GKAP1: variants seen among roughly 807,000 people sequenced by gnomAD.
The protein encoded by GKAP1 is G kinase-anchoring protein 1.
A neutral mutation model predicts 56.7 loss-of-function variants in GKAP1; 31 were observed. The ratio of observed to expected loss-of-function variants is 0.55; its 90% confidence interval spans 0.41 to 0.74. The LOEUF (loss-of-function observed/expected upper bound fraction) is 0.74. Ranked by LOEUF, GKAP1 falls within the 30% of genes least tolerant of loss-of-function variation. The pLI, the probability that GKAP1 is intolerant of heterozygous loss-of-function variation, is 0.00. For synonymous variants in GKAP1, 151 were observed against 138.6 expected, an observed-to-expected ratio of 1.09 and a Z score of -0.63; for missense variants, 364 against 402.3, an observed-to-expected ratio of 0.90 and a Z score of 0.82.
intron 3 of GKAP1, among the ~76,000 whole-genome samples, chr9:83,806,066 G>C (rs1944434950): frequency 6.6e-6 from 1 of 151,830 alleles, no homozygotes; most frequent in Non-Finnish European, 1.5e-5. Flanking sequence ...ACAGTGAACT[G>C]TGATCATCCC....
At chr9:83,814,891 C>T (rs1944560838) in intron 2 of GKAP1, among the ~76,000 whole-genome samples, 1 of 152,150 alleles carries the variant, frequency 6.6e-6, no homozygotes, top group Non-Finnish European at 1.5e-5. Context: ...TGATTTAAGC[C>T]AGCCGGGCAT....
chr9:83,746,510 G>A (rs1037569534), intron 10 of GKAP1, among the ~76,000 whole-genome samples: 1 of 152,042 alleles, frequency 6.6e-6, no homozygotes, highest in Non-Finnish European at 1.5e-5. Flanking sequence ...AGACCATCCT[G>A]GCCAACATGG....
chr9:83,762,191 A>C (rs1329855176), intron 8 of GKAP1, among the ~76,000 whole-genome samples: 1 of 152,194 alleles, frequency 6.6e-6, no homozygotes, highest in African/African-American at 2.4e-5. Context: ...AGAACCTGAT[A>C]AATTCAGTAA....
intron 2 of GKAP1, among the ~76,000 whole-genome samples, chr9:83,807,094 C>T (rs1349574158): frequency 1.3e-5 from 2 of 152,150 alleles, no homozygotes. Flanking sequence ...TTCTCTCAAC[C>T]AAAGGAAACT....
Position 83,804,203 on chromosome 9 carries a change from T to C in GKAP1, c.216+2099A>G, listed in dbSNP as rs1587739039. 3.6e-5 allele frequency among the ~76,000 whole-genome samples: 5 copies of C among 137,904 alleles called. No individual in the cohort carries two copies. The East Asian group carries it at 1.1e-3, about 31-fold the overall frequency. The allele number at this position is 137,904 out of a possible 152,430, so 90.5% of individuals were successfully genotyped here. On this transcript the variant is annotated intron_variant, in intron 3 of 12. Transcript: ENST00000376371. ...CTGCCCAGCCGCCCCTACTGGGAAG[T>C]GAGGAGCCCCTCTGCCGGGCCAGCC...
At chr9:83,804,316 C>G (rs1944391209) in intron 3 of GKAP1, among the ~76,000 whole-genome samples, 1 of 143,192 alleles carries the variant, frequency 7.0e-6, no homozygotes, top group Admixed American at 6.9e-5. Flanking sequence ...CAGCACCCCG[C>G]CCGGCCAGCC....
At chr9:83,787,420 A>G (rs1944084314) in intron 5 of GKAP1, among the ~76,000 whole-genome samples, 1 of 145,108 alleles carries the variant, frequency 6.9e-6, no homozygotes, top group African/African-American at 2.5e-5. Flanking sequence ...AAAAATTTTT[A>G]GAGACAGTGT....
chr9:83,799,494 G>A (rs1348969868), intron 3 of GKAP1, among the ~76,000 whole-genome samples, 166 bp from the exon 4 acceptor site: 2 of 151,932 alleles, frequency 1.3e-5, no homozygotes, highest in African/African-American at 2.4e-5. Flanking sequence ...TATAATCTTT[G>A]TAGAATGTTA....
At chr9:83,805,731 A>T (rs1367144225) in intron 3 of GKAP1, among the ~76,000 whole-genome samples, 2 of 152,226 alleles carry the variant, frequency 1.3e-5, no homozygotes, top group African/African-American at 4.8e-5. Context: ...ATCTCTGGTT[A>T]TATCTATAAA....
intron 12 of GKAP1, 77 bp from the exon 13 acceptor site, chr9:83,739,821 C>G (rs1943177155): frequency 6.9e-6 from 8 of 1,164,512 alleles, no homozygotes; most frequent in Non-Finnish European, 6.2e-6. Flanking sequence ...AAAATATAGA[C>G]CAAAGGCATC....
chr9:83,755,495 T>TAATA (rs1257510787), intron 8 of GKAP1, among the ~76,000 whole-genome samples: 4 of 152,148 alleles, frequency 2.6e-5, no homozygotes, highest in African/African-American at 9.6e-5. Flanking sequence ...AATCATGGAA[T>TAATA]AATACTGTTT....
intron 2 of GKAP1, among the ~76,000 whole-genome samples, chr9:83,809,389 T>A (rs2778328): frequency 1.3e-5 from 2 of 152,244 alleles, no homozygotes; most frequent in African/African-American, 4.8e-5. Context: ...CTCCTGCACA[T>A]GCTGCTCTGG....
At position 83,815,997 on chromosome 9, in the gene GKAP1, C is replaced by A. The variant is rs1440052424; in HGVS notation, c.-44+999G>T. ...GGTCAGGAGTTCCAGACCAGCCTGG[C>A]CAACAAGGCGAAACACCGTCTGTAT... is the stretch of plus-strand genomic sequence containing the variant. On this transcript the variant is annotated intron_variant, in intron 2 of 12. Transcript: ENST00000376371. 2.8e-5 allele frequency among the ~76,000 whole-genome samples: 4 copies of A among 141,246 alleles called. No individual in the cohort carries two copies. The East Asian group carries it at 6.1e-4, about 22-fold the overall frequency. The allele number at this position is 141,246 out of a possible 152,430, so 92.7% of individuals were successfully genotyped here. A position where few individuals can be genotyped will look rare whatever the true frequency, so the allele number is the denominator to read the frequency against.
chr9:83,742,396 G>C, intron 11 of GKAP1, 134 bp downstream of exon 11: 1 of 622,768 alleles, frequency 1.6e-6, no homozygotes, highest in Admixed American at 2.8e-5. Flanking sequence ...TTCATTCATG[G>C]GCTATTACAT....
At chr9:83,770,868 C>T (rs190467310) in intron 7 of GKAP1, among the ~76,000 whole-genome samples, 16 of 152,054 alleles carry the variant, frequency 1.1e-4, no homozygotes, top group Admixed American at 2.6e-4. Flanking sequence ...CGTTACATTA[C>T]GTTTTAAAAT....
chr9:83,784,160 G>A (rs191788630), intron 6 of GKAP1, among the ~76,000 whole-genome samples: 5 of 151,828 alleles, frequency 3.3e-5, no homozygotes, highest in East Asian at 1.9e-4. Flanking sequence ...CTAGCTACTC[G>A]GGAGACTGAG....
chr9:83,767,483 C>T lies in GKAP1; in HGVS notation c.738+1335G>A, dbSNP rs7856263. Among the ~76,000 whole-genome samples the T allele has an allele frequency of 6.8e-3, 1,034 of 151,086 alleles. 16 individuals carry two copies. Among genetic ancestry groups the T allele is most frequent in the African/African-American group, 0.024 (989 of 41,062 alleles). ...CAAGTGATTCTCCTCCTCAGCCTTCCGAGTAGCTGGGACTACAGGCGCCCT... is the reference window on the plus strand; with the variant it reads ...CAAGTGATTCTCCTCCTCAGCCTTCTGAGTAGCTGGGACTACAGGCGCCCT... On this transcript the variant is annotated intron_variant, in intron 8 of 12. Transcript: ENST00000376371.
chr9:83,765,520 G>A (rs745414809), intron 8 of GKAP1, among the ~76,000 whole-genome samples: 7 of 152,162 alleles, frequency 4.6e-5, no homozygotes, highest in South Asian at 4.1e-4. Context: ...GGTTTGCACC[G>A]GAAAAGCTGC....
chr9:83,798,750 A>G (rs983651182), intron 4 of GKAP1, among the ~76,000 whole-genome samples: 1 of 152,054 alleles, frequency 6.6e-6, no homozygotes, highest in Non-Finnish European at 1.5e-5. Flanking sequence ...TCCTAGGCTC[A>G]AGCCATCCAC....
Sources: gnomAD v4.1 joint callset for allele counts (sites outside exome capture counted in the v4.1 genomes callset) on GRCh38, gnomAD v4.1.1 for gene constraint, MANE v1.5 for transcripts, NCBI Gene and HGNC (gene_info 2026-07-23, HGNC 2026-07-21) for gene names.